The following COMMD1 variants were observed in gnomAD, a reference collection of about 807,000 sequenced individuals.
The protein encoded by COMMD1 is COMM domain-containing protein 1.
In COMMD1, 10 loss-of-function variants were observed where a neutral mutation model predicts 17.2. The ratio of observed to expected loss-of-function variants is 0.58; its 90% CI spans 0.36 to 0.99. The LOEUF is 0.99. Ranked by LOEUF, COMMD1 falls within the 50% of genes least tolerant of loss-of-function variation. The pLI is 0.01. For missense variants in COMMD1, 270 were observed against 231.8 expected (o/e 1.17, Z -1.07); for synonymous variants, 97 against 91.6 (o/e 1.06, Z -0.34).
rs1317076569 is a variant in COMMD1 at position 62,125,463 on chromosome 2, AT to A, written c.463-10360del. 2.6e-5 allele frequency among the ~76,000 whole-genome samples: 4 copies of A among 151,688 alleles called. No individual in the cohort carries two copies. In the East Asian group the frequency reaches 5.8e-4, roughly 22 times the overall value. On this transcript the variant is annotated intron_variant, in intron 2 of 2. Coordinates refer to ENST00000311832, the MANE Select transcript of COMMD1 (RefSeq NM_152516.4). ...GACTTGCGTTGTGATTTGCAGTATG[AT>A]TTTTTTTCTGTTTTGTTAGCATGCT... is the stretch of plus-strand genomic sequence containing the variant.
intron 1 of COMMD1, among the ~76,000 whole-genome samples, chr2:61,967,376 G>T (rs1285616612): frequency 6.6e-6 from 1 of 152,112 alleles, no homozygotes; most frequent in African/African-American, 2.4e-5. Flanking sequence ...TTTACTTTCA[G>T]TTTGTATAAT....
chr2:62,104,332 A>C (rs1471420494), intron 2 of COMMD1, among the ~76,000 whole-genome samples: 1 of 152,004 alleles, frequency 6.6e-6, no homozygotes, highest in Non-Finnish European at 1.5e-5. Flanking sequence ...TCTCTACAAA[A>C]AGTTTAGAAG....
chr2:61,998,246 C>CTTT (rs71410912), intron 1 of COMMD1, among the ~76,000 whole-genome samples: 43 of 126,470 alleles, frequency 3.4e-4, no homozygotes, highest in African/African-American at 5.0e-4. Flanking sequence ...GTTGTGCTTT[C>CTTT]TTTTTTTTTT....
At chr2:62,075,409 T>A (rs1341241942) in intron 2 of COMMD1, among the ~76,000 whole-genome samples, 1 of 152,206 alleles carries the variant, frequency 6.6e-6, no homozygotes, top group Non-Finnish European at 1.5e-5. Flanking sequence ...CCCCACTTCC[T>A]CACTCCCATC....
intron 1 of COMMD1, among the ~76,000 whole-genome samples, chr2:61,934,155 G>T (rs765940276): frequency 6.6e-5 from 10 of 152,122 alleles, no homozygotes; most frequent in Admixed American, 6.5e-5. Flanking sequence ...TGAGATAGGG[G>T]TGTGTGTCAG....
chr2:62,077,464 A>T (rs2103971619), intron 2 of COMMD1, among the ~76,000 whole-genome samples: 1 of 152,276 alleles, frequency 6.6e-6, no homozygotes, highest in South Asian at 2.1e-4. Context: ...CTTTTTCTAG[A>T]GTCTGCCAAC....
At chr2:61,985,578 G>C (rs984371905) in intron 1 of COMMD1, among the ~76,000 whole-genome samples, 1 of 151,956 alleles carries the variant, frequency 6.6e-6, no homozygotes, top group Admixed American at 6.6e-5. Context: ...CTTCTTTTTA[G>C]TGCATGTGAT....
chr2:61,945,357 A>G (rs1228738529), intron 1 of COMMD1, among the ~76,000 whole-genome samples: 1 of 152,208 alleles, frequency 6.6e-6, no homozygotes, highest in East Asian at 1.9e-4. Context: ...TGTACAACAA[A>G]ATAAACTTTA....
chr2:62,006,604 G>A (rs1401770315), intron 2 of COMMD1, among the ~76,000 whole-genome samples: 1 of 152,152 alleles, frequency 6.6e-6, no homozygotes, highest in Admixed American at 6.5e-5. Flanking sequence ...GTAAAAACAT[G>A]CAGAAAGCTT....
intron 2 of COMMD1, among the ~76,000 whole-genome samples, chr2:62,027,717 A>G (rs949445161): frequency 6.6e-6 from 1 of 152,140 alleles, no homozygotes; most frequent in Non-Finnish European, 1.5e-5. Context: ...TCTGTCACCC[A>G]GGCTGGAGTA....
chr2:62,126,085 T>C (rs1672877523), intron 2 of COMMD1, among the ~76,000 whole-genome samples: 2 of 152,220 alleles, frequency 1.3e-5, no homozygotes, highest in African/African-American at 2.4e-5. Flanking sequence ...CTGTGTACCC[T>C]GCAAAGGACA....
chr2:62,097,137 CAG>C (rs1207836838), intron 2 of COMMD1, among the ~76,000 whole-genome samples: 1 of 152,150 alleles, frequency 6.6e-6, no homozygotes, highest in East Asian at 1.9e-4. Context: ...TTAGGAACAA[CAG>C]GGTGTCTAGG....
intron 2 of COMMD1, among the ~76,000 whole-genome samples, chr2:62,042,728 A>G (rs1670268818): frequency 6.6e-6 from 1 of 152,198 alleles, no homozygotes; most frequent in Non-Finnish European, 1.5e-5. Flanking sequence ...CCGAGAGCGA[A>G]TGAGGGCTGC....
intron 1 of COMMD1, among the ~76,000 whole-genome samples, chr2:61,975,118 C>CTTTGTTTTTT (rs375361774): frequency 1.2e-5 from 1 of 80,166 alleles, no homozygotes; most frequent in Non-Finnish European, 2.4e-5. Flanking sequence ...TCATTTCTTT[C>CTTTGTTTTTT]TTTTTTTTTT....
chr2:61,945,541 A>G (rs1457108003), intron 1 of COMMD1, among the ~76,000 whole-genome samples: 1 of 152,224 alleles, frequency 6.6e-6, no homozygotes, highest in Non-Finnish European at 1.5e-5. Flanking sequence ...CAGGTTGCCA[A>G]ATGTAAACCC....
chr2:62,093,784 A>G (rs563923026), intron 2 of COMMD1, among the ~76,000 whole-genome samples: 6 of 152,288 alleles, frequency 3.9e-5, no homozygotes, highest in African/African-American at 9.6e-5. Flanking sequence ...CCCATTTCAT[A>G]TGGGTTATTC....
chr2:62,135,710 C>T (rs558953787), intron 2 of COMMD1, 121 bp from the exon 3 acceptor site: 13 of 701,280 alleles, frequency 1.9e-5, no homozygotes, highest in African/African-American at 1.2e-4. Flanking sequence ...AATATCACTT[C>T]GATATTAAGG....
chr2:62,050,499 A>G (rs1219654780), intron 2 of COMMD1, among the ~76,000 whole-genome samples: 1 of 152,190 alleles, frequency 6.6e-6, no homozygotes, highest in Non-Finnish European at 1.5e-5. Flanking sequence ...TGCTTTTGTT[A>G]GGGAAAAAGG....
At chr2:61,959,370 C>G (rs1409005074) in intron 1 of COMMD1, among the ~76,000 whole-genome samples, 1 of 152,002 alleles carries the variant, frequency 6.6e-6, no homozygotes, top group Non-Finnish European at 1.5e-5. Context: ...GCTATGAATA[C>G]TGGAGAAAGA....
Sources: allele counts gnomAD v4.1 joint callset (sites outside exome capture counted in the v4.1 genomes callset), GRCh38; gene constraint gnomAD v4.1.1; transcripts MANE v1.5; gene names NCBI Gene and HGNC (gene_info 2026-07-23, HGNC 2026-07-21).